The following DPY19L3 variants were observed in gnomAD, a reference collection of about 807,000 sequenced individuals.
DPY19L3 encodes dpy-19 like C-mannosyltransferase 3, also known as protein C-mannosyl-transferase DPY19L3.
DPY19L3 carries 51 observed loss-of-function variants against 92.3 expected under a neutral mutation model. The observed-to-expected ratio is 0.55, with a 90% CI of 0.44 to 0.70. The LOEUF is 0.70. Among genes scored for constraint, DPY19L3 ranks in the 30% least tolerant of loss-of-function variants. The probability of loss-of-function intolerance (pLI) is 0.00; values close to 1 mark genes in which losing one functional copy is unlikely to be tolerated. For missense variants in DPY19L3, 706 were observed against 855.9 expected (o/e 0.82, Z 2.18); for synonymous variants, 309 against 315.2 (o/e 0.98, Z 0.21).
intron 8 of DPY19L3, among the ~76,000 whole-genome samples, chr19:32,441,805 T>C (rs1336720549): frequency 1.3e-5 from 2 of 152,190 alleles, no homozygotes; most frequent in African/African-American, 4.8e-5. Context: ...TCTGAACATG[T>C]ATCTCTTTTA....
At chr19:32,468,236 T>A in intron 15 of DPY19L3, 1 of 949,146 alleles carries the variant, frequency 1.1e-6, no homozygotes, top group Non-Finnish European at 1.3e-6. Context: ...GTCATCCATG[T>A]CATGGGTTAT....
At chr19:32,425,099 A>G (rs1437568907) in intron 3 of DPY19L3, among the ~76,000 whole-genome samples, 6 of 152,250 alleles carry the variant, frequency 3.9e-5, no homozygotes, top group Non-Finnish European at 8.8e-5. Context: ...CATAGGCCTA[A>G]ATGTCTAAAA....
intron 3 of DPY19L3, among the ~76,000 whole-genome samples, chr19:32,424,587 G>T (rs1367027103): frequency 1.3e-5 from 2 of 151,976 alleles, no homozygotes; most frequent in Non-Finnish European, 2.9e-5. Flanking sequence ...CCAAGATCAT[G>T]CCGTTGTGCT....
chr19:32,439,686 TAG>T, intron 7 of DPY19L3, 88 bp from the exon 8 acceptor site: 1 of 1,351,954 alleles, frequency 7.4e-7, no homozygotes, highest in Non-Finnish European at 1.0e-6. Context: ...GTTTGGTTTA[TAG>T]AGATACTGGC....
At chr19:32,416,651 G>A (rs888112164) in intron 3 of DPY19L3, among the ~76,000 whole-genome samples, 2 of 152,236 alleles carry the variant, frequency 1.3e-5, no homozygotes, top group African/African-American at 4.8e-5. Context: ...AGTGACACAT[G>A]CAGCCAAGTC....
intron 7 of DPY19L3, 99 bp downstream of exon 7, chr19:32,439,334 T>C: frequency 7.9e-7 from 1 of 1,259,094 alleles, no homozygotes; most frequent in Non-Finnish European, 1.1e-6. Context: ...ATGTGAATAG[T>C]TCTTATTCCA....
intron 3 of DPY19L3, among the ~76,000 whole-genome samples, chr19:32,422,362 A>G (rs575051358): frequency 8.4e-4 from 128 of 152,314 alleles, no homozygotes; most frequent in African/African-American, 2.9e-3. Flanking sequence ...GTGAAATATG[A>G]ACTGGCAGAC....
At chr19:32,447,554 T>C (rs1418699748) in intron 8 of DPY19L3, among the ~76,000 whole-genome samples, 1 of 152,018 alleles carries the variant, frequency 6.6e-6, no homozygotes, top group Non-Finnish European at 1.5e-5. Context: ...CTGTCTCTAC[T>C]AAAAATAGAA....
chr19:32,424,886 A>G (rs1462184478), intron 3 of DPY19L3, among the ~76,000 whole-genome samples: 2 of 152,232 alleles, frequency 1.3e-5, no homozygotes, highest in Non-Finnish European at 1.5e-5. Flanking sequence ...GGATAGACAT[A>G]TAAATCAATG....
At chr19:32,414,964 C>A (rs115070196) in intron 3 of DPY19L3, among the ~76,000 whole-genome samples, 1 of 152,278 alleles carries the variant, frequency 6.6e-6, no homozygotes, top group African/African-American at 2.4e-5. Flanking sequence ...ACATTGAGTT[C>A]AACACTGCAG....
chr19:32,413,632 A>T (rs1343250663), intron 3 of DPY19L3, among the ~76,000 whole-genome samples: 2 of 134,326 alleles, frequency 1.5e-5, no homozygotes, highest in East Asian at 2.6e-4. Context: ...CCAGAGTGTG[A>T]TGTTCCCCTC....
chr19:32,458,588 T>A, intron 12 of DPY19L3, 79 bp downstream of exon 12: 1 of 1,381,562 alleles, frequency 7.2e-7, no homozygotes, highest in Non-Finnish European at 9.9e-7. Flanking sequence ...AAGTTGAAAG[T>A]CAGAATATCA....
intron 8 of DPY19L3, among the ~76,000 whole-genome samples, chr19:32,440,192 A>T (rs1307064919): frequency 1.3e-5 from 2 of 152,256 alleles, no homozygotes; most frequent in Non-Finnish European, 2.9e-5. Flanking sequence ...TAAATTTTAA[A>T]ATATAAGATA....
chr19:32,419,678 C>T (rs1292487240), intron 3 of DPY19L3, among the ~76,000 whole-genome samples: 1 of 152,072 alleles, frequency 6.6e-6, no homozygotes, highest in Non-Finnish European at 1.5e-5. Flanking sequence ...AAGCAAGCCT[C>T]CCACCTGGGC....
At chr19:32,451,575 C>T (rs972641818) in intron 8 of DPY19L3, among the ~76,000 whole-genome samples, 2 of 152,122 alleles carry the variant, frequency 1.3e-5, no homozygotes, top group Non-Finnish European at 2.9e-5. Flanking sequence ...TGGGGATAAT[C>T]GGATTTGCTG....
intron 1 of DPY19L3, among the ~76,000 whole-genome samples, chr19:32,407,526 G>A (rs1599575589): frequency 6.6e-6 from 1 of 152,180 alleles, no homozygotes; most frequent in Admixed American, 6.5e-5. Context: ...ACCGCCTATG[G>A]AAGTAGAAAA....
chr19:32,447,871 T>C (rs1969568501), intron 8 of DPY19L3, among the ~76,000 whole-genome samples: 1 of 150,892 alleles, frequency 6.6e-6, no homozygotes, highest in South Asian at 2.1e-4. Flanking sequence ...GCTGGCTCTT[T>C]GAAAGATTAG....
chr19:32,463,421 A>C lies in DPY19L3; in HGVS notation c.1378A>C (p.Lys460Gln). The change falls in exon 13 of 19, where the codon AAA becomes CAA. Residue 460 changes from lysine to glutamine, a missense_variant. Transcript: ENST00000392250. Reference sequence around the variant, plus strand: ...AATGGAAAAAGGCACAGTTGACCTGAAACCAGAAACTGCCTACAACTTAAT... The same window carrying C: ...AATGGAAAAAGGCACAGTTGACCTGCAACCAGAAACTGCCTACAACTTAAT... ...GKMEKGTVDL[K>Q]PETAYNLIHT... 5.0e-6 allele frequency: 8 copies of C among 1,613,910 alleles called. No homozygotes were observed. The highest frequency in any genetic ancestry group is 6.8e-6 in the Non-Finnish European group (8 of 1,179,832).
In DPY19L3 at chr19:32,482,366, C is replaced by T. The variant is rs1230247789; in HGVS notation, c.*126C>T. ...CAAGCTGTGATATGAGTAAGTTCTA[C>T]AGATGTTTACACAAGTGTTGCCATC... On this transcript the variant is annotated 3_prime_UTR_variant, in exon 19 of 19. Coordinates refer to ENST00000392250, the MANE Select transcript of DPY19L3 (RefSeq NM_001172774.2). 10 of 1,084,452 alleles carry T rather than the reference C, an allele frequency of 9.2e-6. No homozygotes were observed. Among genetic ancestry groups the T allele is most frequent in the South Asian group, 6.4e-5 (4 of 62,570 alleles). The allele number at this position is 1,084,452 out of a possible 1,614,324, so 67.2% of individuals were successfully genotyped here.
Sources: gnomAD v4.1 joint callset for allele counts (sites outside exome capture counted in the v4.1 genomes callset) on GRCh38, gnomAD v4.1.1 for gene constraint, MANE v1.5 for transcripts, NCBI Gene and HGNC (gene_info 2026-07-23, HGNC 2026-07-21) for gene names.